SGCD: variants seen among roughly 807,000 people sequenced by gnomAD.
The protein encoded by SGCD is delta-sarcoglycan.
In SGCD, 18 loss-of-function variants were observed where a neutral mutation model predicts 36.6. The observed-to-expected ratio is 0.49, with a 90% confidence interval of 0.34 to 0.73. The LOEUF (loss-of-function observed/expected upper bound fraction) is 0.73. SGCD is among the 30% of genes least tolerant of loss of function. The pLI is 0.01. For missense variants in SGCD, 387 were observed against 346.7 expected (o/e 1.12, Z -0.92); for synonymous variants, 133 against 130.6 (o/e 1.02, Z -0.12).
the SGCD span, among the ~76,000 whole-genome samples, chr5:155,756,872 A>G: frequency 1.3e-5 from 2 of 152,222 alleles, no homozygotes; most frequent in South Asian, 4.1e-4. Context: ...GGTGATGTCA[A>G]CTACAGCAAT....
chr5:156,205,928 T>G (rs1764263284), intron 3 of SGCD, among the ~76,000 whole-genome samples: 1 of 150,996 alleles, frequency 6.6e-6, no homozygotes, highest in African/African-American at 2.4e-5. Flanking sequence ...TCAAGGGAGA[T>G]GACCTGTCCT....
chr5:156,334,922 GA>G (rs1359197905), intron 2 of SGCD, among the ~76,000 whole-genome samples: 1 of 152,074 alleles, frequency 6.6e-6, no homozygotes, highest in African/African-American at 2.4e-5. Flanking sequence ...TTGTATTCAG[GA>G]AAAGTTAAGT....
intron 1 of SGCD, among the ~76,000 whole-genome samples, chr5:155,934,797 G>T (rs927563665): frequency 6.6e-6 from 1 of 152,148 alleles, no homozygotes. Flanking sequence ...TTTAGAATGG[G>T]GGGCCATCTG....
intron 3 of SGCD, among the ~76,000 whole-genome samples, chr5:156,222,207 G>A (rs1409262392): frequency 6.6e-6 from 1 of 152,038 alleles, no homozygotes; most frequent in East Asian, 1.9e-4. Flanking sequence ...ATATACAAAA[G>A]TCAAGTAGAA....
intron 3 of SGCD, among the ~76,000 whole-genome samples, chr5:156,288,776 T>C (rs1042720946): frequency 2.0e-5 from 3 of 152,160 alleles, no homozygotes; most frequent in African/African-American, 2.4e-5. Context: ...TGTTTTGTGT[T>C]TTGATTCTAA....
At chr5:156,124,585 T>C (rs188599520) in intron 3 of SGCD, among the ~76,000 whole-genome samples, 5 of 152,318 alleles carry the variant, frequency 3.3e-5, no homozygotes, top group Non-Finnish European at 5.9e-5. Context: ...CGATAGACAC[T>C]AATCAACAAA....
chr5:155,913,162 G>GATGGT (rs1409106464), intron 1 of SGCD, among the ~76,000 whole-genome samples: 3 of 152,126 alleles, frequency 2.0e-5, no homozygotes, highest in Non-Finnish European at 4.4e-5. Flanking sequence ...TAGGAAAGAG[G>GATGGT]GATACCTTTT....
At chr5:156,642,976 A>G (rs1581317099) in intron 6 of SGCD, among the ~76,000 whole-genome samples, 1 of 147,186 alleles carries the variant, frequency 6.8e-6, no homozygotes, top group East Asian at 2.0e-4. Flanking sequence ...TCACTACTAT[A>G]TATTTTCATT....
intron 3 of SGCD, among the ~76,000 whole-genome samples, chr5:156,284,693 A>G (rs1766547251): frequency 6.6e-6 from 1 of 152,196 alleles, no homozygotes. Context: ...AGAGCTGTCT[A>G]TGACAAACCC....
chr5:156,725,225 A>G (rs917251681), intron 7 of SGCD, among the ~76,000 whole-genome samples: 4 of 152,234 alleles, frequency 2.6e-5, no homozygotes, highest in African/African-American at 4.8e-5. Flanking sequence ...TGATGGCTCT[A>G]AGAATGACTT....
chr5:155,952,796 C>A (rs1470576887), intron 1 of SGCD, among the ~76,000 whole-genome samples: 1 of 152,078 alleles, frequency 6.6e-6, no homozygotes, highest in Admixed American at 6.6e-5. Flanking sequence ...GCATTTTTTG[C>A]CTTTGAAAAG....
intron 4 of SGCD, among the ~76,000 whole-genome samples, chr5:156,540,199 A>G (rs1048281532): frequency 1.3e-5 from 2 of 152,144 alleles, no homozygotes; most frequent in African/African-American, 2.4e-5. Context: ...ATTGTTTCAA[A>G]CTCAATATGG....
At chr5:156,380,364 T>C (rs2127747151) in intron 3 of SGCD, among the ~76,000 whole-genome samples, 1 of 152,348 alleles carries the variant, frequency 6.6e-6, no homozygotes, top group Admixed American at 6.5e-5. Flanking sequence ...TTGTATATCT[T>C]TTGCTTATTT....
intron 3 of SGCD, among the ~76,000 whole-genome samples, chr5:156,460,288 T>C (rs1380268046): frequency 6.6e-6 from 1 of 152,160 alleles, no homozygotes; most frequent in Non-Finnish European, 1.5e-5. Context: ...CCACATTAAG[T>C]CTTTGAGTCT....
intron 3 of SGCD, among the ~76,000 whole-genome samples, chr5:156,494,298 C>T (rs1310830445): frequency 6.6e-6 from 1 of 151,102 alleles, no homozygotes; most frequent in Non-Finnish European, 1.5e-5. Flanking sequence ...AGTGATGGGA[C>T]CTGGACTCAA....
At chr5:155,749,788 A>G in the SGCD span, among the ~76,000 whole-genome samples, 70 of 152,170 alleles carry the variant, frequency 4.6e-4, no homozygotes, top group African/African-American at 1.6e-3. Context: ...ACTGTAATCT[A>G]TCCCACATTT....
At chr5:156,427,645 G>T (rs149089585) in intron 3 of SGCD, among the ~76,000 whole-genome samples, 3 of 151,888 alleles carry the variant, frequency 2.0e-5, no homozygotes, top group Non-Finnish European at 4.4e-5. Context: ...TCATCTTTTC[G>T]CCATGCAGTC....
At chr5:156,637,614 CT>C (rs1371915622) in intron 6 of SGCD, among the ~76,000 whole-genome samples, 1 of 152,132 alleles carries the variant, frequency 6.6e-6, no homozygotes, top group East Asian at 1.9e-4. Flanking sequence ...ATGTCCACCC[CT>C]AGCTTCAAGG....
chr5:155,751,517 G>C, the SGCD span, among the ~76,000 whole-genome samples: 1 of 152,134 alleles, frequency 6.6e-6, no homozygotes, highest in Non-Finnish European at 1.5e-5. Flanking sequence ...CTCCCCAGTG[G>C]CTGGGACTAC....
Sources: allele counts gnomAD v4.1 joint callset (sites outside exome capture counted in the v4.1 genomes callset), GRCh38; gene constraint gnomAD v4.1.1; transcripts MANE v1.5; gene names NCBI Gene and HGNC (gene_info 2026-07-23, HGNC 2026-07-21).